The following TMEM132D variants were observed in gnomAD, a reference collection of about 807,000 sequenced individuals.
TMEM132D encodes the protein mature OL transmembrane protein.
Under a neutral mutation model 62.3 loss-of-function variants are expected in TMEM132D, and 21 were observed. That is an observed-to-expected ratio of 0.34 (90% CI 0.24 to 0.49). The LOEUF (loss-of-function observed/expected upper bound fraction) is 0.49, where lower values mean the gene tolerates loss of function less well. TMEM132D is among the 20% of genes least tolerant of loss of function. The pLI, the probability that TMEM132D is intolerant of heterozygous loss-of-function variation, is 0.99. For missense variants in TMEM132D, 1,346 were observed against 1,402.8 expected (o/e 0.96, Z 0.65); for synonymous variants, 621 against 575.6 (o/e 1.08, Z -1.13).
intron 5 of TMEM132D, among the ~76,000 whole-genome samples, chr12:129,167,425 C>T (rs1169793986): frequency 6.6e-6 from 1 of 152,122 alleles, no homozygotes; most frequent in African/African-American, 2.4e-5. Context: ...CACCTAAAAC[C>T]AGACTGTTGG....
chr12:129,825,908 T>TA (rs1872650317), intron 1 of TMEM132D, among the ~76,000 whole-genome samples: 3 of 151,694 alleles, frequency 2.0e-5, no homozygotes, highest in African/African-American at 2.4e-5. Flanking sequence ...TACAAAAAAA[T>TA]TAAAAAATTA....
intron 2 of TMEM132D, among the ~76,000 whole-genome samples, chr12:129,644,609 GT>G (rs999416401): frequency 6.6e-6 from 1 of 151,994 alleles, no homozygotes; most frequent in Non-Finnish European, 1.5e-5. Flanking sequence ...CAATAAGAGA[GT>G]ACTATATGTA....
intron 4 of TMEM132D, among the ~76,000 whole-genome samples, chr12:129,257,238 A>C (rs1593313751): frequency 3.1e-5 from 4 of 129,942 alleles, no homozygotes; most frequent in African/African-American, 6.1e-5. Context: ...ATAGAGTCTC[A>C]CTCTGTCGCC....
chr12:129,828,752 G>A (rs538962484), intron 1 of TMEM132D, among the ~76,000 whole-genome samples: 2 of 42,328 alleles, frequency 4.7e-5, no homozygotes, highest in Non-Finnish European at 5.4e-5. Context: ...GGGAGGGAGG[G>A]AGGAAAGGAG....
chr12:129,874,691 C>T (rs1402131182), intron 1 of TMEM132D, among the ~76,000 whole-genome samples: 3 of 142,374 alleles, frequency 2.1e-5, no homozygotes, highest in Non-Finnish European at 1.5e-5. Flanking sequence ...AAATGTTTTT[C>T]ACATTTTTCT....
intron 2 of TMEM132D, among the ~76,000 whole-genome samples, chr12:129,552,780 C>T (rs981016624): frequency 2.6e-5 from 4 of 152,154 alleles, no homozygotes; most frequent in African/African-American, 9.7e-5. Context: ...TATCTAGCTA[C>T]GTACCTACCT....
At chr12:129,853,483 C>T (rs184741764) in intron 1 of TMEM132D, 1 of 152,338 alleles carries the variant, frequency 6.6e-6, no homozygotes, top group East Asian at 1.9e-4. Context: ...AGCCTTCCTG[C>T]TTGCCTGTAA....
intron 4 of TMEM132D, among the ~76,000 whole-genome samples, chr12:129,314,111 G>T (rs1233486407): frequency 6.6e-6 from 1 of 151,940 alleles, no homozygotes; most frequent in Non-Finnish European, 1.5e-5. Context: ...TCAGTCCTTT[G>T]TCAGATGTAT....
intron 3 of TMEM132D, among the ~76,000 whole-genome samples, chr12:129,494,258 C>T (rs529256982): frequency 1.2e-4 from 18 of 152,266 alleles, no homozygotes; most frequent in African/African-American, 3.9e-4. Context: ...AAGCGATTGG[C>T]GTTTCTTTAG....
chr12:129,076,916 G>GTTATTTCTTCA (rs1470906736), intron 8 of TMEM132D, among the ~76,000 whole-genome samples: 1 of 152,184 alleles, frequency 6.6e-6, no homozygotes, highest in Non-Finnish European at 1.5e-5. Context: ...AAAGCCTCAG[G>GTTATTTCTTCA]TTATTTCTTC....
chr12:129,174,268 C>T (rs947596921), intron 5 of TMEM132D, among the ~76,000 whole-genome samples: 2 of 152,122 alleles, frequency 1.3e-5, no homozygotes, highest in Admixed American at 1.3e-4. Context: ...GTTTTGTTCC[C>T]CTCCCTGTGT....
rs190973808 is a variant in TMEM132D, at chr12:129,488,877, C to T, written c.1115+42182G>A. 1.3e-4 allele frequency among the ~76,000 whole-genome samples: 20 copies of T among 152,096 alleles called. 1 individual carries two copies. The highest frequency in any genetic ancestry group is 3.6e-4 in the African/African-American group (15 of 41,496). On this transcript the variant is annotated intron_variant, in intron 3 of 8. Coordinates refer to ENST00000422113, the MANE Select transcript of TMEM132D (RefSeq NM_133448.3). ...ATTCTCTTCTCCCCAAAGCACCTTCCGCCTCATTTGGCTCCCTGGCCAGCC... is the reference window on the plus strand; with the variant it reads ...ATTCTCTTCTCCCCAAAGCACCTTCTGCCTCATTTGGCTCCCTGGCCAGCC...
At chr12:129,676,778 T>C (rs991913034) in intron 2 of TMEM132D, among the ~76,000 whole-genome samples, 2 of 152,182 alleles carry the variant, frequency 1.3e-5, no homozygotes, top group Non-Finnish European at 2.9e-5. Context: ...ACTGTATCAC[T>C]ATCTATCATC....
chr12:129,402,724 G>T (rs981724049), intron 3 of TMEM132D, among the ~76,000 whole-genome samples: 3 of 152,144 alleles, frequency 2.0e-5, no homozygotes, highest in Admixed American at 1.3e-4. Context: ...GAAGGGTAGA[G>T]AAATTCTTTC....
chr12:129,397,569 G>A (rs1871467772), intron 3 of TMEM132D, among the ~76,000 whole-genome samples: 1 of 152,128 alleles, frequency 6.6e-6, no homozygotes, highest in Non-Finnish European at 1.5e-5. Context: ...AAGACAAGCA[G>A]AGAAAGGAAA....
intron 1 of TMEM132D, among the ~76,000 whole-genome samples, chr12:129,724,621 C>T (rs1014457479): frequency 2.0e-5 from 3 of 152,288 alleles, no homozygotes; most frequent in East Asian, 1.9e-4. Flanking sequence ...CTCCCTGGTT[C>T]GAGCGATTCT....
intron 1 of TMEM132D, among the ~76,000 whole-genome samples, chr12:129,766,974 G>A (rs4760006): frequency 0.95 from 144,114 of 152,246 alleles, 68,490 homozygotes; most frequent in Non-Finnish European, 1. Context: ...GCATATCATT[G>A]AAAGTGGGTA....
chr12:129,581,944 T>C (rs993163434), intron 2 of TMEM132D, among the ~76,000 whole-genome samples: 1 of 152,164 alleles, frequency 6.6e-6, no homozygotes, highest in Non-Finnish European at 1.5e-5. Context: ...TTGAACATGA[T>C]TTGCAAGTCA....
intron 3 of TMEM132D, among the ~76,000 whole-genome samples, chr12:129,525,226 GTTTTTTTTTTTTTT>G (rs765569025): frequency 2.8e-4 from 19 of 67,396 alleles, no homozygotes; most frequent in African/African-American, 9.2e-4. Context: ...TGCCCAGCCG[GTTTTTTTTTTTTTT>G]TTTTTTTTTT....
Sources: gnomAD v4.1 joint callset for allele counts (sites outside exome capture counted in the v4.1 genomes callset) on GRCh38, gnomAD v4.1.1 for gene constraint, MANE v1.5 for transcripts, NCBI Gene and HGNC (gene_info 2026-07-23, HGNC 2026-07-21) for gene names.